The following PRICKLE2 variants were observed in gnomAD, a reference collection of about 807,000 sequenced individuals.
PRICKLE2 encodes the protein prickle-like protein 2.
A neutral mutation model predicts 81.4 loss-of-function variants in PRICKLE2; 21 were observed. The observed-to-expected ratio is 0.26, with a 90% CI of 0.18 to 0.37. The LOEUF (loss-of-function observed/expected upper bound fraction) is 0.37. Among genes scored for constraint, PRICKLE2 ranks in the 10% least tolerant of loss-of-function variants. PRICKLE2 has a pLI of 1.00. For missense variants in PRICKLE2, 940 were observed against 1,109.0 expected (o/e 0.85, Z 2.16); for synonymous variants, 456 against 421.5 (o/e 1.08, Z -1.00).
intron 6 of PRICKLE2, among the ~76,000 whole-genome samples, chr3:64,150,101 T>TC (rs1429539572): frequency 6.7e-6 from 1 of 149,728 alleles, no homozygotes; most frequent in Non-Finnish European, 1.5e-5. Flanking sequence ...GGACACTTCC[T>TC]CCCCAGACCC....
chr3:64,246,321 G>A (rs774206512), intron 2 of PRICKLE2, among the ~76,000 whole-genome samples: 4 of 152,100 alleles, frequency 2.6e-5, no homozygotes, highest in South Asian at 2.1e-4. Context: ...TTTAAAAAAC[G>A]CTGTACAAGG....
intron 1 of PRICKLE2, among the ~76,000 whole-genome samples, chr3:64,222,122 T>C (rs2078964883): frequency 6.6e-6 from 1 of 152,206 alleles, no homozygotes; most frequent in Admixed American, 6.5e-5. Context: ...GCAAGGGCAT[T>C]ATAGCCGCTA....
chr3:64,156,181 G>T (rs1393689364), intron 5 of PRICKLE2, among the ~76,000 whole-genome samples: 1 of 152,196 alleles, frequency 6.6e-6, no homozygotes, highest in East Asian at 1.9e-4. Flanking sequence ...CCTGAATTTA[G>T]TTTTCCAGCT....
intron 1 of PRICKLE2, among the ~76,000 whole-genome samples, chr3:64,202,063 G>A (rs1336146988): frequency 2.0e-5 from 3 of 152,060 alleles, no homozygotes; most frequent in African/African-American, 7.2e-5. Flanking sequence ...AGTTTATTCT[G>A]GACATTCAGT....
chr3:64,252,142 T>C (rs573920575), intron 2 of PRICKLE2, among the ~76,000 whole-genome samples: 1 of 152,330 alleles, frequency 6.6e-6, no homozygotes, highest in East Asian at 1.9e-4. Flanking sequence ...TCTACACCCA[T>C]AGTTTCCTAC....
rs149028300 is a variant in PRICKLE2, at chr3:64,205,014, G to A, written c.-40-6047C>T. ...CTTTTAACCTGAATGAAACATATTC[G>A]GAAGTGTGTGGGGAAATATATGATT... On this transcript the variant is annotated intron_variant, in intron 1 of 7. Coordinates refer to ENST00000638394, the MANE Select transcript of PRICKLE2 (RefSeq NM_198859.4). 2.6e-3 allele frequency among the ~76,000 whole-genome samples: 389 copies of A among 151,586 alleles called. 3 individuals are homozygous for A. The highest frequency in any genetic ancestry group is 8.8e-3 in the African/African-American group (365 of 41,318).
intron 7 of PRICKLE2, among the ~76,000 whole-genome samples, chr3:64,144,792 T>C (rs1233744199): frequency 2.6e-5 from 4 of 152,200 alleles, no homozygotes; most frequent in Non-Finnish European, 5.9e-5. Flanking sequence ...GTATGTGAGT[T>C]CTATAACACC....
chr3:64,141,987 C>G (rs1180072384), intron 7 of PRICKLE2: 2 of 965,936 alleles, frequency 2.1e-6, no homozygotes, highest in Non-Finnish European at 2.5e-6. Context: ...GTTTAGAATG[C>G]TATTAAAAAA....
chr3:64,174,349 T>C (rs984790776), intron 2 of PRICKLE2: 1 of 152,082 alleles, frequency 6.6e-6, no homozygotes, highest in African/African-American at 2.4e-5. Flanking sequence ...TCTCATACAG[T>C]TATTGTGAGG....
At chr3:64,249,323 AG>A (rs1174284243) in intron 2 of PRICKLE2, among the ~76,000 whole-genome samples, 1 of 152,176 alleles carries the variant, frequency 6.6e-6, no homozygotes, top group Admixed American at 6.6e-5. Flanking sequence ...AAGAAGAGCA[AG>A]GGGGAAATCT....
At chr3:64,161,318 T>C (rs533888728) in intron 3 of PRICKLE2, among the ~76,000 whole-genome samples, 1 of 152,310 alleles carries the variant, frequency 6.6e-6, no homozygotes, top group South Asian at 2.1e-4. Context: ...CCTAATCCCG[T>C]CTCCTGTTAT....
At chr3:64,224,211 T>C (rs757471495) in intron 1 of PRICKLE2, among the ~76,000 whole-genome samples, 1 of 152,182 alleles carries the variant, frequency 6.6e-6, no homozygotes, top group Non-Finnish European at 1.5e-5. Flanking sequence ...GACCCCAGCA[T>C]AGTCCAAGAC....
chr3:64,150,656 G>T (rs1168667193), intron 6 of PRICKLE2, among the ~76,000 whole-genome samples: 1 of 152,184 alleles, frequency 6.6e-6, no homozygotes, highest in Non-Finnish European at 1.5e-5. Context: ...CAGAGCAGCT[G>T]CGGCTATCCC....
In PRICKLE2 at chr3:64,094,417, G is replaced by T. The variant is rs1391190685; in HGVS notation, c.*4634C>A. The T allele has an allele frequency of 2.6e-5, 4 of 152,186 alleles. No homozygotes were observed. Among genetic ancestry groups the T allele is most frequent in the Non-Finnish European group, 4.4e-5 (3 of 68,042 alleles). The allele number at this position is 152,186 out of a possible 1,614,324, so 9.4% of individuals were successfully genotyped here. ...AAGCAGAGTGAAGGGATATCTCAGA[G>T]AACTCTCAGAATAGAACAAGCAGAT... On this transcript the variant is annotated 3_prime_UTR_variant, in exon 8 of 8. Transcript: ENST00000638394.
At chr3:64,199,025 G>C in intron 1 of PRICKLE2, 58 bp from the exon 2 acceptor site, 1 of 1,504,686 alleles carries the variant, frequency 6.6e-7, no homozygotes, top group Non-Finnish European at 9.0e-7. Flanking sequence ...TTTTTTCCAA[G>C]AGCCTGCCAG....
At position 64,095,889 on chromosome 3, in the gene PRICKLE2, C is replaced by T. The variant is rs1241799205; in HGVS notation, c.*3162G>A. 1 of 152,172 alleles carries T rather than the reference C, an allele frequency of 6.6e-6. No homozygotes were observed. Among genetic ancestry groups the T allele is most frequent in the African/African-American group, 2.4e-5 (1 of 41,432 alleles). 9.4% of individuals were successfully genotyped at this position (152,172 alleles called of 1,614,324 possible). The stretch of plus-strand genomic sequence containing the variant: ...TTCTGATCTCCCTTACCTCATTCAC[C>T]TTCACACTTGGTAGAGATCCCACAA... On this transcript the variant is annotated 3_prime_UTR_variant, in exon 8 of 8. Coordinates refer to ENST00000638394, the MANE Select transcript of PRICKLE2 (RefSeq NM_198859.4).
At chr3:64,253,969 A>T (rs1275183227) in intron 2 of PRICKLE2, among the ~76,000 whole-genome samples, 1 of 152,152 alleles carries the variant, frequency 6.6e-6, no homozygotes, top group Non-Finnish European at 1.5e-5. Flanking sequence ...TCTCCTCGTG[A>T]GATGAGTGAT....
At chr3:64,172,668 C>T (rs1219310128) in intron 2 of PRICKLE2, among the ~76,000 whole-genome samples, 1 of 152,194 alleles carries the variant, frequency 6.6e-6, no homozygotes, top group Non-Finnish European at 1.5e-5. Flanking sequence ...ATGCATAATT[C>T]ATAAATGTCT....
chr3:64,180,735 G>A (rs776808086), intron 2 of PRICKLE2, among the ~76,000 whole-genome samples: 14 of 152,108 alleles, frequency 9.2e-5, no homozygotes, highest in Non-Finnish European at 1.8e-4. Flanking sequence ...GTTTCACCAT[G>A]TTGGCCAGGC....
Sources: gnomAD v4.1 joint callset for allele counts (sites outside exome capture counted in the v4.1 genomes callset) on GRCh38, gnomAD v4.1.1 for gene constraint, MANE v1.5 for transcripts, NCBI Gene and HGNC (gene_info 2026-07-23, HGNC 2026-07-21) for gene names.